SLC15A5: variants seen among roughly 807,000 people sequenced by gnomAD.
SLC15A5 encodes solute carrier family 15 member 5, also known as Peptide/histidine transporter ENSP00000340402.
SLC15A5 carries 58 observed loss-of-function variants against 56.1 expected under a neutral mutation model. That is an observed-to-expected ratio of 1.03 (90% CI 0.84 to 1.29). The LOEUF is 1.29. SLC15A5 is among the 50% of genes most tolerant of loss of function. SLC15A5 has a pLI of 0.00. For missense variants in SLC15A5, 681 were observed against 672.1 expected, an observed-to-expected ratio of 1.01 and a Z score of -0.15; for synonymous variants, 264 against 250.5, an observed-to-expected ratio of 1.05 and a Z score of -0.51.
Position 16,216,973 on chromosome 12 carries a change from A to G in SLC15A5, c.1403T>C (p.Met468Thr), listed in dbSNP as rs147878134. ...TCCATTGAACAGTGTCAGAAAATTC[A>G]TGGAGGTTCCTCTGACATTGCTTGG... is the stretch of plus-strand genomic sequence containing the variant. ...FVPSNVRGTS[M>T]NFLTLFNGFG... is the part of the protein sequence containing the mutation. Residue 468 changes from methionine (M) to threonine (T), a missense_variant, in exon 7 of 9, where the codon ATG becomes ACG. Physicochemically the swap from Met to Thr is moderately conservative, Grantham distance 81 (BLOSUM62 -1). Coordinates refer to ENST00000344941, the MANE Select transcript of SLC15A5 (RefSeq NM_001170798.1). 2.5e-3 allele frequency: 3,877 copies of G among 1,536,864 alleles called. 7 individuals are homozygous for G. Among genetic ancestry groups the G allele is most frequent in the Non-Finnish European group, 3.1e-3 (3,562 of 1,146,598 alleles).
Position 16,231,101 on chromosome 12 carries a change from G to A in SLC15A5, c.1163-6499C>T, listed in dbSNP as rs1864293356. On this transcript the variant is annotated intron_variant, in intron 5 of 8. Transcript: ENST00000344941. ...CTCAAGTATCTTTTGTACAAAATTT[G>A]GTATTAGATAGTGCATAATGGTGCA... 2.0e-5 allele frequency among the ~76,000 whole-genome samples: 3 copies of A among 152,068 alleles called. No individual in the cohort carries two copies. In the South Asian group the frequency reaches 6.2e-4, roughly 32 times the overall value.
chr12:16,219,344 G>A lies in SLC15A5; in HGVS notation c.1352-2320C>T, dbSNP rs914372048. 6.6e-5 allele frequency among the ~76,000 whole-genome samples: 10 copies of A among 152,300 alleles called. 1 individual carries two copies. The South Asian group carries it at 1.9e-3, about 28-fold the overall frequency. On this transcript the variant is annotated intron_variant, in intron 6 of 8. Transcript: ENST00000344941. Reference sequence around the variant, plus strand: ...CAGAAAGGTCCAAATGGGAATATGAGAGGAAGCCTGAATAGGCTTTGGGAA... The same window carrying A: ...CAGAAAGGTCCAAATGGGAATATGAAAGGAAGCCTGAATAGGCTTTGGGAA...
chr12:16,243,703 C>T lies in SLC15A5; in HGVS notation c.975+877G>A, dbSNP rs114754684. On this transcript the variant is annotated intron_variant, in intron 4 of 8. Transcript: ENST00000344941. This position sits in a 1 kb window ranked among gnomAD's most constrained non-coding sequence, Gnocchi z 4.4. ...GTACTGAGAGGCAGAGGACAGATTC[C>T]GCTTTCCCTTACACTACTATTAACT... 2.2e-3 allele frequency among the ~76,000 whole-genome samples: 334 copies of T among 152,264 alleles called. No individual in the cohort carries two copies. Among genetic ancestry groups the T allele is most frequent in the African/African-American group, 6.6e-3 (274 of 41,554 alleles).
intron 4 of SLC15A5, 86 bp from the exon 5 acceptor site, chr12:16,239,953 C>G: frequency 8.3e-7 from 1 of 1,207,582 alleles, no homozygotes; most frequent in Non-Finnish European, 1.1e-6. Flanking sequence ...TACCCTCTTG[C>G]ACGTACTCTG....
Position 16,271,662 on chromosome 12 carries a change from TTACTC to T in SLC15A5, c.584+894_584+898del, listed in dbSNP as rs1864759128. Among the ~76,000 whole-genome samples the T allele has an allele frequency of 6.6e-6, 1 of 152,114 alleles. No homozygotes were observed. The highest frequency in any genetic ancestry group is 2.4e-5 in the African/African-American group (1 of 41,430). ...CTATACATACACATATAGACACTAT[TTACTC>T]TAAAAATGGACAATGTAGCTCACAT... On this transcript the variant is annotated intron_variant, in intron 2 of 8. Coordinates refer to ENST00000344941, the MANE Select transcript of SLC15A5 (RefSeq NM_001170798.1). This position sits in a 1 kb window ranked among gnomAD's most constrained non-coding sequence, Gnocchi z 8.0.
rs1388310898 is a variant in SLC15A5, at chr12:16,269,153, C to G, written c.584+3408G>C. On this transcript the variant is annotated intron_variant, in intron 2 of 8. Coordinates refer to ENST00000344941, the MANE Select transcript of SLC15A5 (RefSeq NM_001170798.1). The surrounding 1 kb of genome is among the most constrained non-coding windows in gnomAD (Gnocchi z 4.7). ...TTCTACTATTTATAAGCCAGCCAAT[C>G]TCTGCTGATTTGTTATTGCAGCCTG... Among the ~76,000 whole-genome samples the G allele has an allele frequency of 6.6e-6, 1 of 152,188 alleles. No individual in the cohort carries two copies. Among genetic ancestry groups the G allele is most frequent in the African/African-American group, 2.4e-5 (1 of 41,460 alleles).
At chr12:16,198,346 A>G (rs1160594721) in intron 7 of SLC15A5, among the ~76,000 whole-genome samples, 1 of 152,172 alleles carries the variant, frequency 6.6e-6, no homozygotes, top group East Asian at 1.9e-4. Flanking sequence ...ATTCTGGAGC[A>G]TTAGGCCTTG....
intron 7 of SLC15A5, among the ~76,000 whole-genome samples, chr12:16,203,280 T>C (rs550376808): frequency 6.5e-4 from 99 of 152,130 alleles, no homozygotes; most frequent in Non-Finnish European, 1.3e-3. Flanking sequence ...TAACATGCAA[T>C]TTAAGAAAAA....
chr12:16,199,886 T>G (rs1416811751), intron 7 of SLC15A5, among the ~76,000 whole-genome samples: 1 of 152,090 alleles, frequency 6.6e-6, no homozygotes, highest in Non-Finnish European at 1.5e-5. Context: ...CATGTATGCT[T>G]GACACTGTGG....
At chr12:16,252,926 C>T (rs1864533194) in intron 3 of SLC15A5, among the ~76,000 whole-genome samples, 2 of 152,186 alleles carry the variant, frequency 1.3e-5, no homozygotes, top group Admixed American at 1.3e-4. Flanking sequence ...GTACAAGGTT[C>T]TGATATGAAG....
chr12:16,244,163 TG>T (rs1355120224), intron 4 of SLC15A5, among the ~76,000 whole-genome samples: 1 of 151,916 alleles, frequency 6.6e-6, no homozygotes, highest in Non-Finnish European at 1.5e-5. Context: ...ACAGTGGAGG[TG>T]GTACTCAAAT....
chr12:16,230,325 C>T (rs1426152810), intron 5 of SLC15A5, among the ~76,000 whole-genome samples: 1 of 151,962 alleles, frequency 6.6e-6, no homozygotes, highest in Non-Finnish European at 1.5e-5. Context: ...TTTCAACAAC[C>T]CACTGTTGAT....
rs1864762492 is a variant in SLC15A5 at position 16,271,910 on chromosome 12, A to C, written c.584+651T>G. ...AGGAAGGCTGTTTGATTTTCATGGA[A>C]TATAAACTCTTTTAGGTGTTGGGAG... is the stretch of plus-strand genomic sequence containing the variant. On this transcript the variant is annotated intron_variant, in intron 2 of 8. Coordinates refer to ENST00000344941, the MANE Select transcript of SLC15A5 (RefSeq NM_001170798.1). The surrounding 1 kb of genome is among the most constrained non-coding windows in gnomAD (Gnocchi z 8.0). Among the ~76,000 whole-genome samples the C allele has an allele frequency of 6.6e-6, 1 of 152,210 alleles. No homozygotes were observed. The highest frequency in any genetic ancestry group is 1.5e-5 in the Non-Finnish European group (1 of 68,028).
At chr12:16,257,018 AAAAC>A (rs1864582993) in intron 3 of SLC15A5, among the ~76,000 whole-genome samples, 1 of 152,056 alleles carries the variant, frequency 6.6e-6, no homozygotes, top group South Asian at 2.1e-4. Context: ...AACAAACTAT[AAAAC>A]AAAAAAACAA....
At chr12:16,257,529 C>T (rs1864588940) in intron 3 of SLC15A5, among the ~76,000 whole-genome samples, 172 bp downstream of exon 3, 1 of 152,134 alleles carries the variant, frequency 6.6e-6, no homozygotes, top group Non-Finnish European at 1.5e-5. Context: ...AAGAAGCAGT[C>T]TTAATTTTTA....
Position 16,188,732 on chromosome 12 carries a change from G to A in SLC15A5, c.*936C>T, listed in dbSNP as rs1183376759. On this transcript the variant is annotated 3_prime_UTR_variant, in exon 9 of 9. Coordinates refer to ENST00000344941, the MANE Select transcript of SLC15A5 (RefSeq NM_001170798.1). ...GATTTGAGTTAAGGCAGTCTGTATA[G>A]GGGCCAGAAAGATTCACCTGTAGCA... The A allele has an allele frequency of 2.0e-5, 3 of 152,198 alleles. No individual in the cohort carries two copies. Among genetic ancestry groups the A allele is most frequent in the Non-Finnish European group, 4.4e-5 (3 of 68,032 alleles). 9.4% of individuals were successfully genotyped at this position (152,198 alleles called of 1,614,324 possible).
At chr12:16,241,058 C>G (rs1265617829) in intron 4 of SLC15A5, among the ~76,000 whole-genome samples, 3 of 152,142 alleles carry the variant, frequency 2.0e-5, no homozygotes, top group Non-Finnish European at 2.9e-5. Flanking sequence ...CGTGATCTGC[C>G]TGCCTCAGCC....
intron 7 of SLC15A5, among the ~76,000 whole-genome samples, chr12:16,216,068 T>A: frequency 7.8e-6 from 1 of 128,574 alleles, no homozygotes; most frequent in East Asian, 2.1e-4. Flanking sequence ...TACAAGAGAA[T>A]AGAAACTAAC....
rs1409677030 is a variant in SLC15A5 at position 16,237,726 on chromosome 12, A to T, written c.1162+1955T>A. Among the ~76,000 whole-genome samples, 1 of 152,124 alleles carries T rather than the reference A, an allele frequency of 6.6e-6. No homozygotes were observed. The highest frequency in any genetic ancestry group is 1.5e-5 in the Non-Finnish European group (1 of 68,012). On this transcript the variant is annotated intron_variant, in intron 5 of 8. Coordinates refer to ENST00000344941, the MANE Select transcript of SLC15A5 (RefSeq NM_001170798.1). This position sits in a 1 kb window ranked among gnomAD's most constrained non-coding sequence, Gnocchi z 4.1. The stretch of plus-strand genomic sequence containing the variant: ...AGAATATTTTTCTAGGGTACCCAAA[A>T]TTTTAAAATTTGTGGTAATTAAGCA...
Sources: gnomAD v4.1 joint callset for allele counts (sites outside exome capture counted in the v4.1 genomes callset) on GRCh38, gnomAD v4.1.1 for gene constraint, Gnocchi (gnomAD v3.1) non-coding constraint, MANE v1.5 for transcripts, NCBI Gene and HGNC (gene_info 2026-07-23, HGNC 2026-07-21) for gene names.